Variants in TMEM178B observed in about 807,000 individuals in gnomAD.
TMEM178B encodes transmembrane protein 178B.
A neutral mutation model predicts 31.0 loss-of-function variants in TMEM178B; 5 were observed. The ratio of observed to expected loss-of-function variants is 0.16; its 90% CI spans 0.08 to 0.34. TMEM178B has a LOEUF of 0.34. Ranked by LOEUF, TMEM178B falls within the 10% of genes least tolerant of loss-of-function variation. The pLI is 1.00. For missense variants in TMEM178B, 275 were observed against 400.3 expected (o/e 0.69, Z 2.67); for synonymous variants, 164 against 164.0 (o/e 1.00, Z 0.00).
At chr7:141,275,003 G>A (rs942004555) in intron 2 of TMEM178B, among the ~76,000 whole-genome samples, 2 of 152,170 alleles carry the variant, frequency 1.3e-5, no homozygotes, top group Non-Finnish European at 2.9e-5. Flanking sequence ...TCAAGAGCTA[G>A]CAATGTGGAG....
chr7:141,343,840 C>T (rs1027445106), intron 2 of TMEM178B, among the ~76,000 whole-genome samples: 60 of 152,114 alleles, frequency 3.9e-4, no homozygotes, highest in African/African-American at 1.2e-3. Context: ...TGAGCCACCG[C>T]GCCCAGCCGG....
Position 141,439,939 on chromosome 7 carries a change from C to T in TMEM178B, c.634+2194C>T, listed in dbSNP as rs554382936. 1.1e-4 allele frequency among the ~76,000 whole-genome samples: 17 copies of T among 152,352 alleles called. No homozygotes were observed. The South Asian group carries it at 3.5e-3, about 32-fold the overall frequency. The stretch of plus-strand genomic sequence containing the variant: ...CCTCTGGCCTGTTGAAGCCAGCTTC[C>T]AGAGAAAGAGATTGTGTAATTCACT... On this transcript the variant is annotated intron_variant, in intron 3 of 3. Coordinates refer to ENST00000565468, the MANE Select transcript of TMEM178B (RefSeq NM_001195278.2).
At chr7:141,186,623 T>C (rs1563111282) in intron 1 of TMEM178B, among the ~76,000 whole-genome samples, 1 of 152,256 alleles carries the variant, frequency 6.6e-6, no homozygotes, top group Non-Finnish European at 1.5e-5. Flanking sequence ...TCATCTTCAC[T>C]TGAGAGAGGA....
chr7:141,396,615 A>G (rs1170358533), intron 2 of TMEM178B, among the ~76,000 whole-genome samples: 1 of 152,212 alleles, frequency 6.6e-6, no homozygotes, highest in African/African-American at 2.4e-5. Context: ...TCTTCCTCCC[A>G]TCATAATATC....
At chr7:141,124,357 A>C (rs1322574131) in intron 1 of TMEM178B, among the ~76,000 whole-genome samples, 1 of 151,920 alleles carries the variant, frequency 6.6e-6, no homozygotes, top group Non-Finnish European at 1.5e-5. Flanking sequence ...ACAGAGTGAG[A>C]CTCTGACTAA....
At chr7:141,443,798 C>T (rs779508180) in intron 3 of TMEM178B, among the ~76,000 whole-genome samples, 6 of 152,106 alleles carry the variant, frequency 3.9e-5, no homozygotes, top group East Asian at 1.9e-4. Context: ...AATTCTTCTG[C>T]GTGGGAGGAG....
At chr7:141,445,060 G>A (rs755293156) in intron 3 of TMEM178B, among the ~76,000 whole-genome samples, 1 of 152,188 alleles carries the variant, frequency 6.6e-6, no homozygotes, top group South Asian at 2.1e-4. Flanking sequence ...CCTACCACCT[G>A]TGATCAGTGT....
chr7:141,182,251 C>T (rs1796541497), intron 1 of TMEM178B, among the ~76,000 whole-genome samples: 1 of 152,108 alleles, frequency 6.6e-6, no homozygotes, highest in African/African-American at 2.4e-5. Flanking sequence ...AGAAGGCCTG[C>T]ATAACTAAGG....
intron 2 of TMEM178B, among the ~76,000 whole-genome samples, chr7:141,429,071 A>G (rs374091617): frequency 3.9e-5 from 6 of 152,304 alleles, no homozygotes; most frequent in African/African-American, 1.4e-4. Context: ...TCTTGGTGGG[A>G]ATGAAATTAG....
chr7:141,203,788 A>G (rs951372886), intron 1 of TMEM178B, among the ~76,000 whole-genome samples: 1 of 152,166 alleles, frequency 6.6e-6, no homozygotes, highest in Non-Finnish European at 1.5e-5. Flanking sequence ...GGACAGCATG[A>G]GATAATACGG....
chr7:141,095,674 A>C (rs1794948303), intron 1 of TMEM178B, among the ~76,000 whole-genome samples: 1 of 152,142 alleles, frequency 6.6e-6, no homozygotes, highest in Non-Finnish European at 1.5e-5. Context: ...TATTTTCACC[A>C]ATCAAACCCT....
intron 2 of TMEM178B, among the ~76,000 whole-genome samples, chr7:141,286,935 A>G (rs532179665): frequency 9.8e-5 from 15 of 152,348 alleles, no homozygotes; most frequent in Non-Finnish European, 2.2e-4. Context: ...TGGAGGTTAT[A>G]TATTAAATGT....
At chr7:141,503,366 T>TCCAAG in the TMEM178B span, among the ~76,000 whole-genome samples, 5 of 152,224 alleles carry the variant, frequency 3.3e-5, no homozygotes, top group Non-Finnish European at 4.4e-5. Flanking sequence ...AAGATTCAAA[T>TCCAAG]CCAAGCCATT....
intron 1 of TMEM178B, among the ~76,000 whole-genome samples, chr7:141,190,375 G>A (rs1796677741): frequency 6.6e-6 from 1 of 151,832 alleles, no homozygotes; most frequent in Non-Finnish European, 1.5e-5. Flanking sequence ...GTACAGGGGT[G>A]TGATCACAGC....
intron 2 of TMEM178B, among the ~76,000 whole-genome samples, chr7:141,264,737 A>G (rs750516457): frequency 9.9e-5 from 15 of 152,188 alleles, no homozygotes; most frequent in Non-Finnish European, 1.9e-4. Flanking sequence ...AGGCAAGATG[A>G]ATTAAGGTCA....
chr7:141,106,499 C>T (rs1478104405), intron 1 of TMEM178B, among the ~76,000 whole-genome samples: 1 of 152,202 alleles, frequency 6.6e-6, no homozygotes, highest in African/African-American at 2.4e-5. Flanking sequence ...GGAGTACAAG[C>T]TCACAGTTAT....
At chr7:141,486,334 G>T in the TMEM178B span, among the ~76,000 whole-genome samples, 2 of 152,176 alleles carry the variant, frequency 1.3e-5, no homozygotes, top group Non-Finnish European at 2.9e-5. Context: ...TACCCTTAAA[G>T]CCCTGACTTC....
At chr7:141,205,559 T>G (rs1796949500) in intron 1 of TMEM178B, among the ~76,000 whole-genome samples, 1 of 152,204 alleles carries the variant, frequency 6.6e-6, no homozygotes. Flanking sequence ...ATCTCAGCCC[T>G]TCAGACTTAT....
At chr7:141,145,323 C>T (rs970994593) in intron 1 of TMEM178B, among the ~76,000 whole-genome samples, 4 of 152,172 alleles carry the variant, frequency 2.6e-5, no homozygotes, top group Non-Finnish European at 5.9e-5. Context: ...CTCTCTTTGG[C>T]CTCAGATCCA....
Sources: allele counts gnomAD v4.1 joint callset (sites outside exome capture counted in the v4.1 genomes callset), GRCh38; gene constraint gnomAD v4.1.1; transcripts MANE v1.5; gene names NCBI Gene and HGNC (gene_info 2026-07-23, HGNC 2026-07-21).